Variants in POLR3B observed in about 807,000 individuals in gnomAD.
The protein encoded by POLR3B is DNA-directed RNA polymerase III subunit RPC2.
A neutral mutation model predicts 147.4 loss-of-function variants in POLR3B; 96 were observed. The observed-to-expected ratio is 0.65, with a 90% CI of 0.55 to 0.77. The LOEUF (loss-of-function observed/expected upper bound fraction) is 0.77. POLR3B is among the 30% of genes least tolerant of loss of function. The pLI is 0.00. For missense variants in POLR3B, 1,036 were observed against 1,413.5 expected (o/e 0.73, Z 4.28); for synonymous variants, 461 against 485.9 (o/e 0.95, Z 0.67).
rs75786060 is a variant in POLR3B, at chr12:106,390,796, C to T, written c.724-2235C>T. Among the ~76,000 whole-genome samples the T allele has an allele frequency of 6.9e-3, 1,042 of 151,756 alleles. 18 individuals are homozygous for T. Among genetic ancestry groups the T allele is most frequent in the African/African-American group, 0.024 (1,002 of 41,342 alleles). ...TATATTAGTTATCTGTGCTGTGTAA[C>T]AGATTATAGCATAGCTTCTATTCAT... is the stretch of plus-strand genomic sequence containing the variant. On this transcript the variant is annotated intron_variant, in intron 9 of 27. Coordinates refer to ENST00000228347, the MANE Select transcript of POLR3B (RefSeq NM_018082.6).
chr12:106,443,620 C>A (rs2037682440), intron 18 of POLR3B, among the ~76,000 whole-genome samples: 1 of 151,404 alleles, frequency 6.6e-6, no homozygotes, highest in Non-Finnish European at 1.5e-5. Flanking sequence ...TGGGTTCAAG[C>A]AATTCTCCTG....
chr12:106,420,153 A>G (rs2037356250), intron 12 of POLR3B, among the ~76,000 whole-genome samples: 2 of 152,154 alleles, frequency 1.3e-5, no homozygotes, highest in Non-Finnish European at 2.9e-5. Flanking sequence ...AAGTCACAGC[A>G]TCACTTATGT....
At chr12:106,371,663 A>G (rs1457496658) in intron 6 of POLR3B, among the ~76,000 whole-genome samples, 6 of 140,406 alleles carry the variant, frequency 4.3e-5, no homozygotes, top group Non-Finnish European at 9.3e-5. Flanking sequence ...AATGGAAATC[A>G]TCATTCTCAG....
At chr12:106,499,660 A>G (rs995080744) in intron 25 of POLR3B, among the ~76,000 whole-genome samples, 1 of 152,254 alleles carries the variant, frequency 6.6e-6, no homozygotes, top group Non-Finnish European at 1.5e-5. Context: ...TAGAGCAGGA[A>G]AGAATCTTGT....
intron 25 of POLR3B, among the ~76,000 whole-genome samples, chr12:106,498,060 T>C (rs2038524746): frequency 6.6e-6 from 1 of 152,176 alleles, no homozygotes; most frequent in South Asian, 2.1e-4. Context: ...AAAAAAGGAA[T>C]GCAGACAAAT....
intron 12 of POLR3B, among the ~76,000 whole-genome samples, chr12:106,420,059 G>C (rs2037354335): frequency 6.6e-6 from 1 of 152,114 alleles, no homozygotes; most frequent in Non-Finnish European, 1.5e-5. Context: ...CGTTTCCAGA[G>C]TTGTCACATT....
At chr12:106,411,707 T>G (rs2037230266) in intron 12 of POLR3B, among the ~76,000 whole-genome samples, 1 of 152,172 alleles carries the variant, frequency 6.6e-6, no homozygotes, top group Non-Finnish European at 1.5e-5. Flanking sequence ...ATCCGCTGAT[T>G]GTTTTGGTGA....
chr12:106,409,390 C>T (rs2037194180), intron 11 of POLR3B, among the ~76,000 whole-genome samples: 1 of 87,206 alleles, frequency 1.1e-5, no homozygotes, highest in Non-Finnish European at 2.2e-5. Flanking sequence ...TGGACAAGAG[C>T]CTTTTCTTTT....
Position 106,419,278 on chromosome 12 carries a change from A to G in POLR3B, c.1102-7919A>G, listed in dbSNP as rs575697399. Among the ~76,000 whole-genome samples, 11 of 152,316 alleles carry G rather than the reference A, an allele frequency of 7.2e-5. No homozygotes were observed. In the South Asian group the frequency reaches 2.3e-3, roughly 32 times the overall value. On this transcript the variant is annotated intron_variant, in intron 12 of 27. Coordinates refer to ENST00000228347, the MANE Select transcript of POLR3B (RefSeq NM_018082.6). ...TTTCTTTTTAGAACACTTCTGACAT[A>G]GTAAATTCAAATCCAAGATCCAGGC...
intron 23 of POLR3B, among the ~76,000 whole-genome samples, chr12:106,493,420 G>A (rs776108439): frequency 2.6e-5 from 4 of 152,174 alleles, no homozygotes; most frequent in Non-Finnish European, 5.9e-5. Context: ...GATAAGTCTG[G>A]TTCTAAGATT....
chr12:106,492,825 T>C (rs1281612203), intron 23 of POLR3B, among the ~76,000 whole-genome samples: 1 of 152,146 alleles, frequency 6.6e-6, no homozygotes, highest in Non-Finnish European at 1.5e-5. Flanking sequence ...GGAATAATAT[T>C]TTGTCGATTG....
At chr12:106,386,532 A>G (rs2036840932) in intron 9 of POLR3B, among the ~76,000 whole-genome samples, 1 of 152,102 alleles carries the variant, frequency 6.6e-6, no homozygotes, top group East Asian at 1.9e-4. Flanking sequence ...TCTATCACTC[A>G]TGGAAAATGC....
chr12:106,405,772 C>T (rs1032148246), intron 10 of POLR3B, 85 bp from the exon 11 acceptor site: 14 of 1,314,402 alleles, frequency 1.1e-5, no homozygotes, highest in East Asian at 4.6e-5. Context: ...TTATCTCTTT[C>T]GCTCATACTG....
At chr12:106,362,573 C>T (rs2036485218) in intron 1 of POLR3B, among the ~76,000 whole-genome samples, 2 of 152,254 alleles carry the variant, frequency 1.3e-5, no homozygotes, top group South Asian at 4.1e-4. Flanking sequence ...GAGACCTCTA[C>T]CTTCATCTTC....
At chr12:106,435,282 T>G (rs2037562736) in intron 16 of POLR3B, among the ~76,000 whole-genome samples, 2 of 149,810 alleles carry the variant, frequency 1.3e-5, no homozygotes, top group African/African-American at 4.9e-5. Flanking sequence ...TAGCTGGGAT[T>G]ACAGGCACAC....
At chr12:106,489,012 A>T (rs1466254933) in intron 23 of POLR3B, among the ~76,000 whole-genome samples, 2 of 152,196 alleles carry the variant, frequency 1.3e-5, no homozygotes, top group Non-Finnish European at 2.9e-5. Flanking sequence ...GTGGAGAGAA[A>T]AAAAAAGCAA....
intron 1 of POLR3B, among the ~76,000 whole-genome samples, chr12:106,359,356 G>A (rs922613071): frequency 6.8e-6 from 1 of 146,150 alleles, no homozygotes; most frequent in South Asian, 2.1e-4. Context: ...TTTTGAGACG[G>A]AGTCTAGCTC....
intron 7 of POLR3B, among the ~76,000 whole-genome samples, chr12:106,377,755 A>G (rs1286671594): frequency 6.6e-6 from 1 of 152,168 alleles, no homozygotes; most frequent in Non-Finnish European, 1.5e-5. Flanking sequence ...GAAATTTTTT[A>G]TCTTGTAGCT....
intron 10 of POLR3B, among the ~76,000 whole-genome samples, chr12:106,399,510 C>T (rs528990504): frequency 2.0e-5 from 3 of 152,248 alleles, no homozygotes; most frequent in Admixed American, 6.5e-5. Context: ...AGAGCAACTC[C>T]AAGACGCATA....
Sources: allele counts gnomAD v4.1 joint callset (sites outside exome capture counted in the v4.1 genomes callset), GRCh38; gene constraint gnomAD v4.1.1; transcripts MANE v1.5; gene names NCBI Gene and HGNC (gene_info 2026-07-23, HGNC 2026-07-21).